The following ERICH1 variants were observed in gnomAD, a reference collection of about 807,000 sequenced individuals.
The protein encoded by ERICH1 is glutamate rich 1, also known as glutamate-rich protein 1.
In ERICH1, 56 loss-of-function variants were observed where a neutral mutation model predicts 39.6. The ratio of observed to expected loss-of-function variants is 1.41; its 90% confidence interval spans 1.14 to 1.77. ERICH1 has a LOEUF of 1.77. Among genes scored for constraint, ERICH1 ranks in the 40% most tolerant of loss-of-function variants. ERICH1 has a pLI of 0.00. For synonymous variants in ERICH1, 313 were observed against 223.6 expected (o/e 1.40, Z -3.57); for missense variants, 826 against 575.4 (o/e 1.44, Z -4.45).
chr8:643,525 A>G (rs1799259787), intron 3 of ERICH1, among the ~76,000 whole-genome samples: 1 of 151,652 alleles, frequency 6.6e-6, no homozygotes, highest in Non-Finnish European at 1.5e-5. Flanking sequence ...CCTGGGCCGA[A>G]GCCCCGCCCC....
At chr8:634,973 G>A (rs1157102482) in intron 3 of ERICH1, among the ~76,000 whole-genome samples, 1 of 152,196 alleles carries the variant, frequency 6.6e-6, no homozygotes, top group East Asian at 1.9e-4. Context: ...GGAGGGAAAG[G>A]GATCACGGTG....
intron 3 of ERICH1, among the ~76,000 whole-genome samples, chr8:618,764 T>C (rs1797096178): frequency 6.6e-6 from 1 of 152,126 alleles, no homozygotes; most frequent in East Asian, 1.9e-4. Flanking sequence ...ACTACCCTGC[T>C]ATGTGTAATC....
intron 2 of ERICH1, among the ~76,000 whole-genome samples, chr8:711,773 A>T (rs185129641): frequency 6.6e-6 from 1 of 152,202 alleles, no homozygotes; most frequent in East Asian, 1.9e-4. Flanking sequence ...CTGGGATTAT[A>T]GGTGTGATCC....
chr8:683,631 T>G (rs1239922487), intron 3 of ERICH1, among the ~76,000 whole-genome samples: 1 of 152,218 alleles, frequency 6.6e-6, no homozygotes, highest in African/African-American at 2.4e-5. Flanking sequence ...AGGACATCAT[T>G]TAGCTTTTGA....
At chr8:694,910 G>A (rs1809791131) in intron 2 of ERICH1, among the ~76,000 whole-genome samples, 1 of 152,148 alleles carries the variant, frequency 6.6e-6, no homozygotes, top group Non-Finnish European at 1.5e-5. Flanking sequence ...GCGTCTGTGA[G>A]CACAGCTGCC....
chr8:628,067 C>T (rs536104601), intron 3 of ERICH1, among the ~76,000 whole-genome samples: 37 of 152,338 alleles, frequency 2.4e-4, no homozygotes, highest in African/African-American at 8.9e-4. Flanking sequence ...AACTAAATGG[C>T]CCTCTCTCTG....
At chr8:648,502 CAAAA>C (rs531723403) in intron 3 of ERICH1, among the ~76,000 whole-genome samples, 5 of 13,756 alleles carry the variant, frequency 3.6e-4, no homozygotes, top group Admixed American at 7.7e-4. Context: ...AAAGAAAAAG[CAAAA>C]AAAAAAAAAA....
At chr8:689,402 C>T (rs559571198) in intron 3 of ERICH1, among the ~76,000 whole-genome samples, 5 of 152,200 alleles carry the variant, frequency 3.3e-5, no homozygotes, top group Admixed American at 2.6e-4. Flanking sequence ...TGAGCCACTG[C>T]GCCTGGCCTC....
intron 3 of ERICH1, among the ~76,000 whole-genome samples, chr8:633,091 G>A (rs1160467414): frequency 1.3e-5 from 2 of 152,154 alleles, no homozygotes; most frequent in South Asian, 2.1e-4. Context: ...AGGACAGACG[G>A]AAACCAGTGT....
chr8:637,293 C>T (rs1301368216), intron 3 of ERICH1, among the ~76,000 whole-genome samples: 1 of 152,228 alleles, frequency 6.6e-6, no homozygotes, highest in Non-Finnish European at 1.5e-5. Flanking sequence ...CCCAGAGCTG[C>T]CACCCTGGGA....
intron 3 of ERICH1, among the ~76,000 whole-genome samples, chr8:674,412 G>A (rs565818051): frequency 1.7e-3 from 258 of 148,346 alleles, no homozygotes; most frequent in Non-Finnish European, 3.2e-3. Context: ...AAGTGATTCC[G>A]GTACCACTGC....
chr8:629,749 A>G (rs1177820132), intron 3 of ERICH1, among the ~76,000 whole-genome samples: 1 of 143,668 alleles, frequency 7.0e-6, no homozygotes, highest in African/African-American at 2.8e-5. Flanking sequence ...CAACCCACAC[A>G]GAGCTGACTC....
At chr8:628,663 A>G (rs1177934286) in intron 3 of ERICH1, among the ~76,000 whole-genome samples, 1 of 152,212 alleles carries the variant, frequency 6.6e-6, no homozygotes, top group Non-Finnish European at 1.5e-5. Flanking sequence ...GGTTCGCAAC[A>G]CAAAGCAAAG....
chr8:703,833 T>G (rs144486018), intron 2 of ERICH1, among the ~76,000 whole-genome samples: 2 of 152,282 alleles, frequency 1.3e-5, no homozygotes, highest in African/African-American at 4.8e-5. Flanking sequence ...TGACAGGAAT[T>G]CTGTAAACCG....
intron 1 of ERICH1, among the ~76,000 whole-genome samples, chr8:727,503 G>C (rs539947757): frequency 8.1e-4 from 123 of 152,360 alleles, no homozygotes; most frequent in African/African-American, 2.8e-3. Flanking sequence ...GTCTCAGGAA[G>C]ACAGAGGCCG....
exon 4 of ERICH1, chr8:615,222 G>A: frequency 1.5e-6 from 1 of 688,676 alleles, no homozygotes; most frequent in Non-Finnish European, 2.6e-6. Flanking sequence ...ACCACAGCTG[G>A]TTAAGGCAGC....
chr8:665,593 A>G lies in ERICH1; in HGVS notation c.1259-917T>C, dbSNP rs111282555. On this transcript the variant is annotated intron_variant, in intron 5 of 5. Transcript: ENST00000262109. ...GATGATAAAAATCTAATTCCCATAC[A>G]GAGAATTAGAGGAGGTTGATGTTCG... Among the ~76,000 whole-genome samples, 1,305 of 152,364 alleles carry G rather than the reference A, an allele frequency of 8.6e-3. 20 individuals carry two copies. Among genetic ancestry groups the G allele is most frequent in the African/African-American group, 0.028 (1,183 of 41,594 alleles).
rs1239814604 is a variant in ERICH1, at chr8:692,512, G to A, written c.270C>T (p.Ser90=). 6.2e-7 allele frequency: 1 copy of A among 1,613,936 alleles called. No individual in the cohort carries two copies. The highest frequency in any genetic ancestry group is 8.5e-7 in the Non-Finnish European group (1 of 1,179,930). The stretch of plus-strand genomic sequence containing the variant: ...CATCCCCGCTGGAGGCGTTCTCGGG[G>A]CTCCCACAGCTGCTGGGCTCCGGCC... The part of the protein sequence containing the change: ...PCWPEPSSCG[S]PENASSGDDT... The change falls in exon 3 of 6, where the codon AGC becomes AGT. Residue 90 remains serine (S), a synonymous_variant. Coordinates refer to ENST00000262109, the MANE Select transcript of ERICH1 (RefSeq NM_207332.3).
chr8:728,350 G>A (rs1457839797), intron 1 of ERICH1, among the ~76,000 whole-genome samples: 2 of 152,222 alleles, frequency 1.3e-5, no homozygotes, highest in Non-Finnish European at 1.5e-5. Context: ...CGTCCAGGGA[G>A]GAGGAGGCAG....
Sources: gnomAD v4.1 joint callset for allele counts (sites outside exome capture counted in the v4.1 genomes callset) on GRCh38, gnomAD v4.1.1 for gene constraint, MANE v1.5 for transcripts, NCBI Gene and HGNC (gene_info 2026-07-23, HGNC 2026-07-21) for gene names.